The following CCDC68 variants were observed in gnomAD, a reference collection of about 807,000 sequenced individuals.
CCDC68 encodes coiled-coil domain-containing protein 68.
Under a neutral mutation model 47.1 loss-of-function variants are expected in CCDC68, and 45 were observed. The ratio of observed to expected loss-of-function variants is 0.96; its 90% CI spans 0.75 to 1.23. The LOEUF is 1.23. Among genes scored for constraint, CCDC68 ranks in the 50% most tolerant of loss-of-function variants. CCDC68 has a pLI of 0.00. For missense variants in CCDC68, 353 were observed against 373.6 expected (o/e 0.94, Z 0.45); for synonymous variants, 131 against 129.5 (o/e 1.01, Z -0.08).
chr18:54,933,411 G>A (rs2044296455), intron 7 of CCDC68, among the ~76,000 whole-genome samples: 1 of 152,172 alleles, frequency 6.6e-6, no homozygotes, highest in Non-Finnish European at 1.5e-5. Flanking sequence ...GGCAGTGACG[G>A]TTGCCACTAA....
At chr18:54,938,587 T>C (rs1381050934) in intron 4 of CCDC68, among the ~76,000 whole-genome samples, 1 of 152,254 alleles carries the variant, frequency 6.6e-6, no homozygotes, top group Admixed American at 6.5e-5. Context: ...CATTATAACC[T>C]GATGTAAGCT....
At chr18:54,929,695 C>T (rs1012592665) in intron 7 of CCDC68, among the ~76,000 whole-genome samples, 2 of 152,118 alleles carry the variant, frequency 1.3e-5, no homozygotes, top group Admixed American at 6.5e-5. Context: ...AGAGGCGTGC[C>T]GAAACCATAA....
At chr18:54,918,458 A>G (rs1431590946) in intron 9 of CCDC68, among the ~76,000 whole-genome samples, 1 of 152,192 alleles carries the variant, frequency 6.6e-6, no homozygotes, top group Admixed American at 6.5e-5. Context: ...AGGTGGGGTG[A>G]TGAGATGCAA....
chr18:54,904,398 C>T lies in CCDC68; in HGVS notation c.968G>A (p.Gly323Asp). The T allele has an allele frequency of 6.2e-7, 1 of 1,613,478 alleles. No homozygotes were observed. The highest frequency in any genetic ancestry group is 8.5e-7 in the Non-Finnish European group (1 of 1,179,518). ...AVSTSELKTE[G>D]VSPYLMLIRL... ...AATCAACATTAAATAAGGGGAAACA[C>T]CTTCGGTCTTCAATTCACTGTAGAA... is the stretch of plus-strand genomic sequence containing the variant. Residue 323 changes from glycine (G) to aspartate (D), a missense_variant, in exon 12 of 12, where the codon GGT becomes GAT. Coordinates refer to ENST00000591504, the MANE Select transcript of CCDC68 (RefSeq NM_025214.3).
At position 54,937,945 on chromosome 18, in the gene CCDC68, TAA is replaced by T; in HGVS notation, c.345+10_345+11del. On this transcript the variant is annotated intron_variant, in intron 5 of 11. Transcript: ENST00000591504. ...CTCAAAACACAAAATTTGAAACTTC[TAA>T]AAGTCATACCTTGATTTTCAATACT... 6.2e-7 allele frequency: 1 copy of T among 1,606,500 alleles called. No homozygotes were observed. The highest frequency in any genetic ancestry group is 1.3e-5 in the African/African-American group (1 of 74,496).
chr18:54,917,090 A>G (rs895392395), intron 10 of CCDC68, among the ~76,000 whole-genome samples: 4 of 152,328 alleles, frequency 2.6e-5, no homozygotes, highest in African/African-American at 9.6e-5. Flanking sequence ...CTTTATTAGC[A>G]GTGTGAGAAC....
chr18:54,946,955 C>G (rs1373495929), intron 1 of CCDC68, among the ~76,000 whole-genome samples: 1 of 152,118 alleles, frequency 6.6e-6, no homozygotes, highest in East Asian at 1.9e-4. Flanking sequence ...TAGTTCACAT[C>G]TATCTGGTTG....
intron 1 of CCDC68, among the ~76,000 whole-genome samples, chr18:54,957,511 T>C (rs1402506513): frequency 6.6e-6 from 1 of 152,136 alleles, no homozygotes; most frequent in Non-Finnish European, 1.5e-5. Flanking sequence ...CATCTGGTTC[T>C]CCCACACAGA....
chr18:54,914,203 AG>A (rs1172522857), intron 10 of CCDC68, among the ~76,000 whole-genome samples: 1 of 152,254 alleles, frequency 6.6e-6, no homozygotes, highest in East Asian at 1.9e-4. Flanking sequence ...AAATGGGTGT[AG>A]TAACATCCAC....
At chr18:54,954,820 C>T (rs950389924) in intron 1 of CCDC68, 1 of 152,082 alleles carries the variant, frequency 6.6e-6, no homozygotes, top group East Asian at 1.9e-4. Flanking sequence ...AGATTGATTA[C>T]TCCATCCAAT....
intron 6 of CCDC68, 128 bp downstream of exon 6, chr18:54,936,705 T>G: frequency 8.6e-7 from 1 of 1,165,404 alleles, no homozygotes; most frequent in Non-Finnish European, 1.2e-6. Flanking sequence ...GCACACCGCT[T>G]CTTTCCCAAG....
intron 10 of CCDC68, 75 bp from the exon 11 acceptor site, chr18:54,907,937 C>T: frequency 1.2e-6 from 1 of 837,044 alleles, no homozygotes; most frequent in Non-Finnish European, 2.1e-6. Flanking sequence ...TTCTATTCAA[C>T]CCAACACCTG....
intron 6 of CCDC68, among the ~76,000 whole-genome samples, chr18:54,935,732 TGAAAGG>T (rs2044333149): frequency 6.6e-6 from 1 of 152,314 alleles, no homozygotes. Context: ...GCCTGATGCA[TGAAAGG>T]GTGTCACCTA....
intron 7 of CCDC68, among the ~76,000 whole-genome samples, chr18:54,931,599 C>G (rs969369060): frequency 1.3e-5 from 2 of 152,118 alleles, no homozygotes; most frequent in Non-Finnish European, 2.9e-5. Flanking sequence ...TGATGAGGAA[C>G]TAGGTGGTCT....
At chr18:54,933,302 G>A (rs1001463858) in intron 7 of CCDC68, among the ~76,000 whole-genome samples, 3 of 151,966 alleles carry the variant, frequency 2.0e-5, no homozygotes, top group East Asian at 1.9e-4. Flanking sequence ...GGATGGTCTC[G>A]ATCTCTTTGA....
At chr18:54,918,496 G>A (rs1436470648) in intron 9 of CCDC68, among the ~76,000 whole-genome samples, 1 of 152,182 alleles carries the variant, frequency 6.6e-6, no homozygotes, top group Non-Finnish European at 1.5e-5. Flanking sequence ...GGGGACACAA[G>A]GATTCTAAGA....
At chr18:54,908,181 T>C (rs1914127138) in intron 10 of CCDC68, among the ~76,000 whole-genome samples, 1 of 152,240 alleles carries the variant, frequency 6.6e-6, no homozygotes, top group Non-Finnish European at 1.5e-5. Flanking sequence ...AAAGAACTTT[T>C]AAGGAACCTT....
At chr18:54,942,999 AT>A in intron 2 of CCDC68, 196 bp from the exon 3 acceptor site, 1 of 389,572 alleles carries the variant, frequency 2.6e-6, no homozygotes, top group Non-Finnish European at 4.5e-6. Context: ...GGAATCATTA[AT>A]TAAAAATTTA....
chr18:54,955,502 T>A (rs1797717104), intron 1 of CCDC68, among the ~76,000 whole-genome samples: 1 of 152,154 alleles, frequency 6.6e-6, no homozygotes, highest in African/African-American at 2.4e-5. Context: ...ACTAGAGAAA[T>A]CTTCCTAAGA....
Sources: gnomAD v4.1 joint callset for allele counts (sites outside exome capture counted in the v4.1 genomes callset) on GRCh38, gnomAD v4.1.1 for gene constraint, MANE v1.5 for transcripts, NCBI Gene and HGNC (gene_info 2026-07-23, HGNC 2026-07-21) for gene names.